Variants in ZNF560 observed in about 807,000 individuals in gnomAD.
ZNF560 encodes zinc finger protein 560.
In ZNF560, 54 loss-of-function variants were observed where a neutral mutation model predicts 81.8. The ratio of observed to expected loss-of-function variants is 0.66; its 90% confidence interval spans 0.53 to 0.83. The LOEUF (loss-of-function observed/expected upper bound fraction) is 0.83. Among genes scored for constraint, ZNF560 ranks in the 40% least tolerant of loss-of-function variants. The pLI is 0.00. For synonymous variants in ZNF560, 321 were observed against 317.9 expected (o/e 1.01, Z -0.10); for missense variants, 940 against 932.4 (o/e 1.01, Z -0.11).
chr19:9,495,318 A>G (rs894610080), intron 2 of ZNF560, among the ~76,000 whole-genome samples: 1 of 152,184 alleles, frequency 6.6e-6, no homozygotes. Flanking sequence ...AATAAATAGG[A>G]TATTTATTTT....
chr19:9,447,287 C>T, the ZNF560 span, among the ~76,000 whole-genome samples: 1 of 152,032 alleles, frequency 6.6e-6, no homozygotes, highest in Non-Finnish European at 1.5e-5. Context: ...CAACCCTCTC[C>T]AGATGAGAAG....
At chr19:9,503,762 T>A in the ZNF560 span, among the ~76,000 whole-genome samples, 1 of 152,154 alleles carries the variant, frequency 6.6e-6, no homozygotes, top group African/African-American at 2.4e-5. Context: ...GGTCATGAAC[T>A]CGCAGCCTCA....
intron 2 of ZNF560, among the ~76,000 whole-genome samples, chr19:9,488,075 T>C (rs375130629): frequency 6.0e-5 from 9 of 151,134 alleles, no homozygotes; most frequent in African/African-American, 2.2e-4. Flanking sequence ...CTCACATAAA[T>C]AGATTAATGC....
chr19:9,454,004 G>A, the ZNF560 span, among the ~76,000 whole-genome samples: 1 of 152,332 alleles, frequency 6.6e-6, no homozygotes, highest in East Asian at 1.9e-4. Context: ...TGGCTATGAT[G>A]CACACACTGG....
At chr19:9,499,463 A>G (rs1428637133), upstream of ZNF560, among the ~76,000 whole-genome samples, 1 of 152,206 alleles carries the variant, frequency 6.6e-6, no homozygotes, top group Non-Finnish European at 1.5e-5. Context: ...CCGAAGTGGG[A>G]TTACAGGCGT....
intron 2 of ZNF560, among the ~76,000 whole-genome samples, chr19:9,483,961 G>C (rs910765880): frequency 3.3e-5 from 5 of 152,170 alleles, no homozygotes; most frequent in African/African-American, 9.7e-5. Flanking sequence ...AAATTCTTCT[G>C]CCTTGGGTTG....
In ZNF560 at chr19:9,473,163, C is replaced by T. The variant is rs373723520; in HGVS notation, c.238+16G>A. 2.9e-4 allele frequency: 472 copies of T among 1,610,130 alleles called. 2 individuals are homozygous for T. Among genetic ancestry groups the T allele is most frequent in the Non-Finnish European group, 3.8e-4 (444 of 1,176,400 alleles). On this transcript the variant is annotated intron_variant, in intron 5 of 9. Coordinates refer to ENST00000301480, the MANE Select transcript of ZNF560 (RefSeq NM_152476.3). ...GAACTTCTCACTGACCAAGGTTGTT[C>T]TTCACAAATACTCACCTTGGAGAAC...
At chr19:9,456,200 G>A in the ZNF560 span, among the ~76,000 whole-genome samples, 5 of 152,314 alleles carry the variant, frequency 3.3e-5, no homozygotes, top group South Asian at 2.1e-4. Flanking sequence ...TGTTGCACCA[G>A]GGCTGTGAGT....
At chr19:9,483,682 G>A (rs907199836) in intron 2 of ZNF560, among the ~76,000 whole-genome samples, 26 of 143,926 alleles carry the variant, frequency 1.8e-4, no homozygotes, top group East Asian at 1.1e-3. Context: ...GGTGGGGGGC[G>A]CCTCCGCCCG....
chr19:9,452,745 C>T, the ZNF560 span, among the ~76,000 whole-genome samples: 4 of 152,114 alleles, frequency 2.6e-5, no homozygotes, highest in Non-Finnish European at 4.4e-5. Context: ...GACTACTGGG[C>T]GGGTAGGTGG....
At chr19:9,463,854 T>C (rs113874895), downstream of ZNF560, among the ~76,000 whole-genome samples, 1 of 152,128 alleles carries the variant, frequency 6.6e-6, no homozygotes, top group Non-Finnish European at 1.5e-5. Context: ...GGCTAATCTT[T>C]ACATTTTTTG....
downstream of ZNF560, among the ~76,000 whole-genome samples, chr19:9,463,770 C>A (rs1202112294): frequency 6.6e-6 from 1 of 152,198 alleles, no homozygotes; most frequent in Non-Finnish European, 1.5e-5. Flanking sequence ...GCAGCCATGA[C>A]CTCCCTGGGG....
chr19:9,467,534 T>A lies in ZNF560; in HGVS notation c.1413A>T (p.Thr471=), dbSNP rs200068517. 6.2e-7 allele frequency: 1 copy of A among 1,614,192 alleles called. No homozygotes were observed. Among genetic ancestry groups the A allele is most frequent in the Non-Finnish European group, 8.5e-7 (1 of 1,180,036 alleles). ...EHKEYGKAFG[T]SSGVIEDRRS... is the part of the protein sequence containing the mutation. ...TTCTATCTTCAATAACACCTGAGGA[T>A]GTACCAAAGGCCTTCCCATATTCCT... is the stretch of plus-strand genomic sequence containing the variant. Residue 471 remains threonine (T), a synonymous_variant, in exon 10 of 10, where the codon ACA becomes ACT. Transcript: ENST00000301480.
the ZNF560 span, among the ~76,000 whole-genome samples, chr19:9,504,577 G>A: frequency 6.6e-6 from 1 of 152,164 alleles, no homozygotes; most frequent in African/African-American, 2.4e-5. Context: ...ATGTCTCTGA[G>A]GCTTAGTTGG....
chr19:9,483,035 T>G (rs1248478847), intron 2 of ZNF560, among the ~76,000 whole-genome samples: 2 of 150,996 alleles, frequency 1.3e-5, no homozygotes, highest in Non-Finnish European at 3.0e-5. Context: ...CCCAGCCGCC[T>G]GCCTTGGCCT....
At chr19:9,475,856 T>C (rs2073193538) in intron 2 of ZNF560, among the ~76,000 whole-genome samples, 1 of 152,120 alleles carries the variant, frequency 6.6e-6, no homozygotes, top group South Asian at 2.1e-4. Flanking sequence ...TCCGCCCAAC[T>C]TGGCCTCCCA....
At chr19:9,479,900 T>C (rs944212157) in intron 2 of ZNF560, among the ~76,000 whole-genome samples, 3 of 152,130 alleles carry the variant, frequency 2.0e-5, no homozygotes, top group Admixed American at 2.0e-4. Context: ...AGGGGGGTTA[T>C]CCTGAAACAA....
At chr19:9,461,665 G>A (rs142077946), downstream of ZNF560, among the ~76,000 whole-genome samples, 83 of 152,310 alleles carry the variant, frequency 5.4e-4, no homozygotes, top group African/African-American at 1.9e-3. Flanking sequence ...CAACTGTAAT[G>A]TGGGTGGGAG....
At chr19:9,501,994 A>AC (rs1415833146), upstream of ZNF560, among the ~76,000 whole-genome samples, 5 of 151,788 alleles carry the variant, frequency 3.3e-5, no homozygotes, top group East Asian at 1.0e-3. Flanking sequence ...CTCTACTAAA[A>AC]ATACAAAAAA....
Sources: gnomAD v4.1 joint callset for allele counts (sites outside exome capture counted in the v4.1 genomes callset) on GRCh38, gnomAD v4.1.1 for gene constraint, MANE v1.5 for transcripts, NCBI Gene and HGNC (gene_info 2026-07-23, HGNC 2026-07-21) for gene names.